Variants in MAGEE2 observed in about 807,000 individuals in gnomAD.
MAGEE2 encodes the protein melanoma-associated antigen E2.
For synonymous variants in MAGEE2, 189 were observed against 155.4 expected (o/e 1.22, Z -1.61); for missense variants, 508 against 391.1 (o/e 1.30, Z -2.52).
rs760349174 is a variant in MAGEE2 at position 75,784,649 on chromosome X, G to A, written c.403C>T (p.His135Tyr). The change falls in exon 1 of 1, where the codon CAC becomes TAC. Residue 135 changes from histidine (H) to tyrosine (Y), a missense_variant. Physicochemically the swap from His to Tyr is moderately conservative, Grantham distance 83. Transcript: ENST00000373359. ...TTCAACCCAAAGACCTGGTCCAGGT[G>A]AGCTGAGGCTCGTCTGAGGATCTCA... The part of the protein sequence containing the change: ...FPEILRRASA[H>Y]LDQVFGLNLR... 12 of 1,211,330 alleles carry A rather than the reference G, an allele frequency of 9.9e-6. No individual in the cohort carries two copies. The highest frequency in any genetic ancestry group is 1.3e-5 in the Non-Finnish European group (12 of 895,249).
In MAGEE2 at chrX:75,785,159, T is replaced by C. The variant is rs992377682; in HGVS notation, c.-108A>G. ...AAGCTGAAGCCCGAGACCCTGGAGCTGGAAGGATCAAAAGTGAAATCTGGT... is the reference window on the plus strand; with the variant it reads ...AAGCTGAAGCCCGAGACCCTGGAGCCGGAAGGATCAAAAGTGAAATCTGGT... On this transcript the variant is annotated 5_prime_UTR_variant, in exon 1 of 1. Transcript: ENST00000373359. 5 of 884,645 alleles carry C rather than the reference T, an allele frequency of 5.7e-6. No homozygotes were observed. In the African/African-American group the frequency reaches 1.0e-4, roughly 18 times the overall value. The allele number at this position is 884,645 out of a possible 1,213,427, so 72.9% of individuals were successfully genotyped here.
At position 75,783,883 on chromosome X, in the gene MAGEE2, T is replaced by A; in HGVS notation, c.1169A>T (p.Gln390Leu). The change falls in exon 1 of 1, where the codon CAA becomes CTA. Residue 390 changes from glutamine to leucine, a missense_variant. Physicochemically the swap from Gln to Leu is moderately radical, Grantham distance 113. Coordinates refer to ENST00000373359, the MANE Select transcript of MAGEE2 (RefSeq NM_138703.5). Reference sequence around the variant, plus strand: ...TCTCCCCAGGCTCTCTAGCATCACTTGCTCTTCCTCTGATTCTGGTTGCTG... The same window carrying A: ...TCTCCCCAGGCTCTCTAGCATCACTAGCTCTTCCTCTGATTCTGGTTGCTG... Reference protein sequence around the residue: ...LVQQPESEEEQVMLESLGRPT... With the variant: ...LVQQPESEEELVMLESLGRPT... 8.3e-7 allele frequency: 1 copy of A among 1,212,060 alleles called. No individual in the cohort carries two copies. The highest frequency in any genetic ancestry group is 1.1e-6 in the Non-Finnish European group (1 of 895,584).
rs1490275097 is a variant in MAGEE2 at position 75,784,326 on chromosome X, A to G, written c.726T>C (p.Tyr242=). 1.9e-5 allele frequency: 23 copies of G among 1,211,859 alleles called. No homozygotes were observed. Among genetic ancestry groups the G allele is most frequent in the Non-Finnish European group, 2.6e-5 (23 of 895,534 alleles). ...ACTCAAACTCAAGGGGATTAGTGCC[A>G]TACACCGGCCAGTACTCCAAGAATC... is the stretch of plus-strand genomic sequence containing the variant. ...CMRFLEYWPV[Y]GTNPLEFEFL... Residue 242 remains tyrosine, a synonymous_variant, in exon 1 of 1, where the codon TAT becomes TAC. Transcript: ENST00000373359.
Position 75,784,315 on chromosome X carries a change from G to A in MAGEE2, c.737C>T (p.Pro246Leu), listed in dbSNP as rs2087871283. 1 of 1,211,612 alleles carries A rather than the reference G, an allele frequency of 8.3e-7. No homozygotes were observed. Among genetic ancestry groups the A allele is most frequent in the Non-Finnish European group, 1.1e-6 (1 of 895,492 alleles). ...LEYWPVYGTN[P>L]LEFEFLWGSR... is the part of the protein sequence containing the mutation. ...GCCCCACAAGAACTCAAACTCAAGG[G>A]GATTAGTGCCATACACCGGCCAGTA... Residue 246 changes from proline to leucine, a missense_variant, in exon 1 of 1, where the codon CCC becomes CTC. Physicochemically the swap from Pro to Leu is moderately conservative, Grantham distance 98. Coordinates refer to ENST00000373359, the MANE Select transcript of MAGEE2 (RefSeq NM_138703.5).
Position 75,783,918 on chromosome X carries a change from G to T in MAGEE2, c.1134C>A (p.Tyr378Ter). ...LIEVDTSEHI[Y>*]LLVQQPESEE... ...CTGATTCTGGTTGCTGGACAAGGAG[G>T]TAGATGTGCTCACTGGTATCAACCT... The change falls in exon 1 of 1, where the codon TAC becomes TAA. Residue 378 changes from tyrosine (Y) to a stop codon, truncating the protein, a stop_gained. Coordinates refer to ENST00000373359, the MANE Select transcript of MAGEE2 (RefSeq NM_138703.5). LOFTEE classifies it low-confidence loss of function (END_TRUNC). 1 of 1,211,595 alleles carries T rather than the reference G, an allele frequency of 8.3e-7. No individual in the cohort carries two copies. The highest frequency in any genetic ancestry group is 1.8e-5 in the South Asian group (1 of 56,960).
In MAGEE2 at chrX:75,783,830, G is replaced by T. The variant is rs1352874832; in HGVS notation, c.1222C>A (p.Leu408Ile). ...RPTQEYVMPILGLIFLMGNRV... is the reference protein window; with the variant it reads ...RPTQEYVMPIIGLIFLMGNRV... ...TTGCCCATCAGGAAGATCAAACCTAGGATTGGCATTACATATTCTTGAGTG... is the reference window on the plus strand; with the variant it reads ...TTGCCCATCAGGAAGATCAAACCTATGATTGGCATTACATATTCTTGAGTG... The change falls in exon 1 of 1, where the codon CTA becomes ATA. Residue 408 changes from leucine to isoleucine, a missense_variant. Physicochemically the swap from Leu to Ile is conservative, Grantham distance 5 (BLOSUM62 2). Transcript: ENST00000373359. 2 of 1,211,782 alleles carry T rather than the reference G, an allele frequency of 1.7e-6. No homozygotes were observed. Among genetic ancestry groups the T allele is most frequent in the Non-Finnish European group, 2.2e-6 (2 of 895,525 alleles).
In MAGEE2 at chrX:75,785,142, G is replaced by T; in HGVS notation, c.-91C>A. 1.0e-6 allele frequency: 1 copy of T among 961,086 alleles called. No homozygotes were observed. Among genetic ancestry groups the T allele is most frequent in the Non-Finnish European group, 1.4e-6 (1 of 730,134 alleles). 79.2% of individuals were successfully genotyped at this position (961,086 alleles called of 1,213,427 possible). On this transcript the variant is annotated 5_prime_UTR_variant, in exon 1 of 1. Transcript: ENST00000373359. ...GTTGGTGCCTCGGCACAAAGCTGAA[G>T]CCCGAGACCCTGGAGCTGGAAGGAT...
rs756290423 is a variant in MAGEE2 at position 75,784,906 on chromosome X, G to A, written c.146C>T (p.Ala49Val). The A allele has an allele frequency of 1.3e-5, 15 of 1,182,701 alleles. No homozygotes were observed. The highest frequency in any genetic ancestry group is 3.0e-5 in the East Asian group (1 of 33,477). ...LVVDAPQCPQ[A>V]PINSQCVNTS... ...GTTGACACACTGAGAGTTGATTGGC[G>A]CCTGAGGGCACTGGGGGGCATCAAC... is the stretch of plus-strand genomic sequence containing the variant. The change falls in exon 1 of 1, where the codon GCG (alanine) becomes GTG (valine). Residue 49 changes from alanine (A) to valine (V), a missense_variant. Coordinates refer to ENST00000373359, the MANE Select transcript of MAGEE2 (RefSeq NM_138703.5).
At position 75,784,324 on chromosome X, in the gene MAGEE2, C is replaced by G. The variant is rs767452893; in HGVS notation, c.728G>C (p.Gly243Ala). 8.3e-6 allele frequency: 10 copies of G among 1,211,676 alleles called. No individual in the cohort carries two copies. In the East Asian group the frequency reaches 2.7e-4, roughly 32 times the overall value. Residue 243 changes from glycine (G) to alanine (A), a missense_variant, in exon 1 of 1, where the codon GGC becomes GCC. Coordinates refer to ENST00000373359, the MANE Select transcript of MAGEE2 (RefSeq NM_138703.5). Reference protein sequence around the residue: ...MRFLEYWPVYGTNPLEFEFLW... With the variant: ...MRFLEYWPVYATNPLEFEFLW... ...GAACTCAAACTCAAGGGGATTAGTG[C>G]CATACACCGGCCAGTACTCCAAGAA...
Position 75,785,097 on chromosome X carries a change from G to A in MAGEE2, c.-46C>T. Reference sequence around the variant, plus strand: ...GGAACGGTGAGATCAGCGATCAGTCGGAGAGAGGACCGCAGCAGTGTTGGT... The same window carrying A: ...GGAACGGTGAGATCAGCGATCAGTCAGAGAGAGGACCGCAGCAGTGTTGGT... On this transcript the variant is annotated 5_prime_UTR_variant, in exon 1 of 1. Transcript: ENST00000373359. 1 of 1,097,450 alleles carries A rather than the reference G, an allele frequency of 9.1e-7. No homozygotes were observed. The highest frequency in any genetic ancestry group is 1.2e-6 in the Non-Finnish European group (1 of 837,938). 90.4% of individuals were successfully genotyped at this position (1,097,450 alleles called of 1,213,427 possible).
At position 75,784,626 on chromosome X, in the gene MAGEE2, C is replaced by T. The variant is rs1428871006; in HGVS notation, c.426G>A (p.Leu142=). 1 of 1,210,609 alleles carries T rather than the reference C, an allele frequency of 8.3e-7. No homozygotes were observed. Among genetic ancestry groups the T allele is most frequent in the Admixed American group, 2.2e-5 (1 of 45,955 alleles). ...CCTGAGGATCAATAACTCTCAGGTT[C>T]AACCCAAAGACCTGGTCCAGGTGAG... ...ASAHLDQVFG[L]NLRVIDPQAD... Residue 142 remains leucine, a synonymous_variant, in exon 1 of 1, where the codon TTG becomes TTA. Coordinates refer to ENST00000373359, the MANE Select transcript of MAGEE2 (RefSeq NM_138703.5).
chrX:75,783,372 T>G lies in MAGEE2; in HGVS notation c.*108A>C. On this transcript the variant is annotated 3_prime_UTR_variant, in exon 1 of 1. Coordinates refer to ENST00000373359, the MANE Select transcript of MAGEE2 (RefSeq NM_138703.5). Reference sequence around the variant, plus strand: ...CACAGACAGCAAGCACAATTTGTACTTCCCACACAAGCCCTACCTGGATTC... The same window carrying G: ...CACAGACAGCAAGCACAATTTGTACGTCCCACACAAGCCCTACCTGGATTC... The G allele has an allele frequency of 1.1e-6, 1 of 926,614 alleles. No individual in the cohort carries two copies. The highest frequency in any genetic ancestry group is 1.5e-6 in the Non-Finnish European group (1 of 685,725). The allele number at this position is 926,614 out of a possible 1,213,427, so 76.4% of individuals were successfully genotyped here. A position where few individuals can be genotyped will look rare whatever the true frequency, so the allele number is the denominator to read the frequency against.
Position 75,783,638 on chromosome X carries a change from G to T in MAGEE2, c.1414C>A (p.His472Asn). ...EYELLWGPRAHHETIKMKVLE... is the reference protein window; with the variant it reads ...EYELLWGPRANHETIKMKVLE... ...ACTTTCATTTTGATGGTTTCATGGT[G>T]AGCTCGAGGACCCCATAGAAGCTCA... Residue 472 changes from histidine to asparagine, a missense_variant, in exon 1 of 1, where the codon CAC becomes AAC. By Grantham distance (68) the His-to-Asn change is moderately conservative. Coordinates refer to ENST00000373359, the MANE Select transcript of MAGEE2 (RefSeq NM_138703.5). 8.3e-7 allele frequency: 1 copy of T among 1,211,531 alleles called. No homozygotes were observed. The highest frequency in any genetic ancestry group is 2.2e-5 in the Admixed American group (1 of 45,997).
In MAGEE2 at chrX:75,784,542, C is replaced by G. The variant is rs141357882; in HGVS notation, c.510G>C (p.Glu170Asp). 1 of 1,209,311 alleles carries G rather than the reference C, an allele frequency of 8.3e-7. No homozygotes were observed. Among genetic ancestry groups the G allele is most frequent in the African/African-American group, 1.8e-5 (1 of 56,989 alleles). Residue 170 changes from glutamate (E) to aspartate (D), a missense_variant, in exon 1 of 1, where the codon GAG becomes GAC. Glu to Asp is a conservative substitution (Grantham distance 45). Transcript: ENST00000373359. ...RGFQITDRIA[E>D]SLDMPKASLL... is the part of the protein sequence containing the mutation. ...GACTTGCTTTTGGCATGTCCAGGGA[C>G]TCCGCTATCCTATCGGTGATCTGGA...
In MAGEE2 at chrX:75,784,858, G is replaced by A. The variant is rs139659113; in HGVS notation, c.194C>T (p.Pro65Leu). 8.3e-7 allele frequency: 1 copy of A among 1,208,837 alleles called. No individual in the cohort carries two copies. The highest frequency in any genetic ancestry group is 3.0e-5 in the East Asian group (1 of 33,761). ...GTCGATCAGGACCTCCAGGTCATTCGGGTCCTGAACGGCCTGGGAAGTGTT... is the reference window on the plus strand; with the variant it reads ...GTCGATCAGGACCTCCAGGTCATTCAGGTCCTGAACGGCCTGGGAAGTGTT... The part of the protein sequence containing the change: ...CVNTSQAVQD[P>L]NDLEVLIDEQ... The change falls in exon 1 of 1, where the codon CCG (proline) becomes CTG (leucine). Residue 65 changes from proline (P) to leucine (L), a missense_variant. Physicochemically the swap from Pro to Leu is moderately conservative, Grantham distance 98. Coordinates refer to ENST00000373359, the MANE Select transcript of MAGEE2 (RefSeq NM_138703.5).
In MAGEE2 at chrX:75,783,896, A is replaced by T; in HGVS notation, c.1156T>A (p.Ser386Thr). The T allele has an allele frequency of 1.7e-6, 2 of 1,211,758 alleles. No homozygotes were observed. The highest frequency in any genetic ancestry group is 3.5e-5 in the South Asian group (2 of 56,994). ...TCTAGCATCACTTGCTCTTCCTCTG[A>T]TTCTGGTTGCTGGACAAGGAGGTAG... The part of the protein sequence containing the change: ...HIYLLVQQPE[S>T]EEEQVMLESL... Residue 386 changes from serine (S) to threonine (T), a missense_variant, in exon 1 of 1, where the codon TCA becomes ACA. By Grantham distance (58) the Ser-to-Thr change is moderately conservative. Transcript: ENST00000373359.
chrX:75,783,712 T>C lies in MAGEE2; in HGVS notation c.1340A>G (p.Gln447Arg). 2.5e-6 allele frequency: 3 copies of C among 1,212,084 alleles called. No individual in the cohort carries two copies. The highest frequency in any genetic ancestry group is 3.3e-6 in the Non-Finnish European group (3 of 895,606). Residue 447 changes from glutamine to arginine, a missense_variant, in exon 1 of 1, where the codon CAG (glutamine) becomes CGG (arginine). Coordinates refer to ENST00000373359, the MANE Select transcript of MAGEE2 (RefSeq NM_138703.5). ...CAGTGGCCTGCATTCCAGATAGCGC[T>C]GTCTCATAAGCTTACGGGTGATGGA... ...KHSITRKLMRQRYLECRPLSY... is the reference protein window; with the variant it reads ...KHSITRKLMRRRYLECRPLSY...
At position 75,784,987 on chromosome X, in the gene MAGEE2, C is replaced by T. The variant is rs778985990; in HGVS notation, c.65G>A (p.Gly22Asp). Residue 22 changes from glycine (G) to aspartate (D), a missense_variant, in exon 1 of 1, where the codon GGC becomes GAC. Physicochemically the swap from Gly to Asp is moderately conservative, Grantham distance 94. Coordinates refer to ENST00000373359, the MANE Select transcript of MAGEE2 (RefSeq NM_138703.5). ...SAEITADYGD[G>D]RGEIQATNAS... Reference sequence around the variant, plus strand: ...GTTAGTAGCTTGTATTTCACCTCTGCCGTCGCCGTAATCTGCAGTGATCTC... The same window carrying T: ...GTTAGTAGCTTGTATTTCACCTCTGTCGTCGCCGTAATCTGCAGTGATCTC... 1 of 1,143,860 alleles carries T rather than the reference C, an allele frequency of 8.7e-7. No individual in the cohort carries two copies. The highest frequency in any genetic ancestry group is 1.2e-6 in the Non-Finnish European group (1 of 863,634). The allele number at this position is 1,143,860 out of a possible 1,213,427, so 94.3% of individuals were successfully genotyped here.
Position 75,783,912 on chromosome X carries a change from A to C in MAGEE2, c.1140T>G (p.Leu380=). 8.3e-7 allele frequency: 1 copy of C among 1,211,683 alleles called. No homozygotes were observed. ...EVDTSEHIYL[L]VQQPESEEEQ... is the part of the protein sequence containing the mutation. ...CTTCCTCTGATTCTGGTTGCTGGAC[A>C]AGGAGGTAGATGTGCTCACTGGTAT... Residue 380 remains leucine (L), a synonymous_variant, in exon 1 of 1, where the codon CTT becomes CTG. Coordinates refer to ENST00000373359, the MANE Select transcript of MAGEE2 (RefSeq NM_138703.5).
Sources: gnomAD v4.1 joint callset for allele counts on GRCh38, gnomAD v4.1.1 for gene constraint, MANE v1.5 for transcripts, NCBI Gene and HGNC (gene_info 2026-07-23, HGNC 2026-07-21) for gene names.